Variants in ATP2A3 observed in about 807,000 individuals in gnomAD.
The protein encoded by ATP2A3 is ATPase sarcoplasmic/endoplasmic reticulum Ca2+ transporting 3, also known as sarcoplasmic/endoplasmic reticulum calcium ATPase 3.
Under a neutral mutation model 106.8 loss-of-function variants are expected in ATP2A3, and 61 were observed. The ratio of observed to expected loss-of-function variants is 0.57; its 90% CI spans 0.46 to 0.71. The LOEUF (loss-of-function observed/expected upper bound fraction) is 0.71. Among genes scored for constraint, ATP2A3 ranks in the 30% least tolerant of loss-of-function variants. The pLI is 0.00. For missense variants in ATP2A3, 1,201 were observed against 1,423.5 expected, an observed-to-expected ratio of 0.84 and a Z score of 2.52; for synonymous variants, 611 against 609.3, an observed-to-expected ratio of 1.00 and a Z score of -0.04.
intron 14 of ATP2A3, 138 bp downstream of exon 14, chr17:3,940,833 T>C (rs1409301811): frequency 6.2e-6 from 7 of 1,134,686 alleles, no homozygotes; most frequent in South Asian, 1.3e-5. Flanking sequence ...TAAATTTCTT[T>C]TTGTATTTGA....
chr17:3,946,018 C>T (rs1026795142), intron 8 of ATP2A3, among the ~76,000 whole-genome samples: 3 of 152,144 alleles, frequency 2.0e-5, no homozygotes, highest in Admixed American at 6.5e-5. Context: ...GAGGCCGAGG[C>T]GGGTGGATCA....
intron 17 of ATP2A3, among the ~76,000 whole-genome samples, chr17:3,933,548 C>A (rs1046831180): frequency 2.6e-5 from 4 of 151,148 alleles, no homozygotes; most frequent in Admixed American, 6.6e-5. Context: ...CCATCCTGGC[C>A]AACATGGTGA....
chr17:3,928,390 G>A lies in ATP2A3; in HGVS notation c.2980+273C>T. ...GCACACAGTGCCCTGGCCATGTAGG[G>A]GGTGGCAGGTGAAGACAGTGAGGCA... On this transcript the variant is annotated intron_variant, in intron 20 of 20. Transcript: ENST00000397041. The surrounding 1 kb of genome is among the most constrained non-coding windows in gnomAD (Gnocchi z 6.1). The A allele has an allele frequency of 6.7e-7, 1 of 1,495,592 alleles. No homozygotes were observed. 92.6% of individuals were successfully genotyped at this position (1,495,592 alleles called of 1,614,324 possible).
chr17:3,935,147 C>G (rs1336833099), intron 17 of ATP2A3, 45 bp downstream of exon 17: 1 of 1,601,580 alleles, frequency 6.2e-7, no homozygotes, highest in Admixed American at 1.7e-5. Context: ...ACTCCAACAA[C>G]TCGAGCTGTA....
At chr17:3,940,228 C>G (rs868573640) in intron 14 of ATP2A3, among the ~76,000 whole-genome samples, 1 of 151,774 alleles carries the variant, frequency 6.6e-6, no homozygotes, top group Non-Finnish European at 1.5e-5. Context: ...TCAGATAGTA[C>G]GCCAAAGATC....
intron 1 of ATP2A3, among the ~76,000 whole-genome samples, chr17:3,960,830 T>C (rs959699933): frequency 1.3e-5 from 2 of 152,124 alleles, no homozygotes; most frequent in African/African-American, 4.8e-5. Flanking sequence ...TACACCCACT[T>C]AGACCCCACA....
At position 3,936,379 on chromosome 17, in the gene ATP2A3, G is replaced by C; in HGVS notation, c.2412C>G (p.Ala804=). 1 of 1,614,106 alleles carries C rather than the reference G, an allele frequency of 6.2e-7. No homozygotes were observed. The highest frequency in any genetic ancestry group is 1.3e-5 in the African/African-American group (1 of 75,032). Residue 804 remains alanine (A), a synonymous_variant, in exon 16 of 21, where the codon GCC becomes GCG. Coordinates refer to ENST00000397041, the MANE Select transcript of ATP2A3 (RefSeq NM_005173.4). The surrounding 1 kb of genome is among the most constrained non-coding windows in gnomAD (Gnocchi z 5.4). ...WVNLVTDGLP[A]TALGFNPPDL... is the part of the protein sequence containing the mutation. ...CTGGCGGGTTGAAGCCCAGAGCCGTGGCAGGTAGGCCGTCTGTCACCAGGT... is the reference window on the plus strand; with the variant it reads ...CTGGCGGGTTGAAGCCCAGAGCCGTCGCAGGTAGGCCGTCTGTCACCAGGT...
chr17:3,929,553 T>C lies in ATP2A3; in HGVS notation c.2745-108A>G. 1.0e-6 allele frequency: 1 copy of C among 965,550 alleles called. No homozygotes were observed. The highest frequency in any genetic ancestry group is 1.5e-5 in the South Asian group (1 of 66,436). The allele number at this position is 965,550 out of a possible 1,614,324, so 59.8% of individuals were successfully genotyped here. A position where few individuals can be genotyped will look rare whatever the true frequency, so the allele number is the denominator to read the frequency against. On this transcript the variant is annotated intron_variant, in intron 18 of 20. Coordinates refer to ENST00000397041, the MANE Select transcript of ATP2A3 (RefSeq NM_005173.4). This position sits in a 1 kb window ranked among gnomAD's most constrained non-coding sequence, Gnocchi z 4.3. Reference sequence around the variant, plus strand: ...CACTTCTCTAGCGGTGCATTGCTGTTGCCCGCTCGGCCTGCCAGGGCCTGT... The same window carrying C: ...CACTTCTCTAGCGGTGCATTGCTGTCGCCCGCTCGGCCTGCCAGGGCCTGT...
Position 3,930,460 on chromosome 17 carries a change from A to C in ATP2A3, c.2611-26T>G, listed in dbSNP as rs750399072. The C allele has an allele frequency of 1.2e-6, 2 of 1,613,032 alleles. No individual in the cohort carries two copies. Among genetic ancestry groups the C allele is most frequent in the Admixed American group, 1.7e-5 (1 of 59,994 alleles). ...CTGGGGGCACCGTGGCAGGTCAGAGAGAGCGGCAGGTCAGGCGAGGGGCTG... is the reference window on the plus strand; with the variant it reads ...CTGGGGGCACCGTGGCAGGTCAGAGCGAGCGGCAGGTCAGGCGAGGGGCTG... On this transcript the variant is annotated intron_variant, in intron 17 of 20. Transcript: ENST00000397041. This position sits in a 1 kb window ranked among gnomAD's most constrained non-coding sequence, Gnocchi z 5.4.
intron 20 of ATP2A3, chr17:3,927,488 A>T (rs2052771616): frequency 2.0e-6 from 2 of 985,254 alleles, no homozygotes; most frequent in Non-Finnish European, 2.4e-6. Flanking sequence ...CAGGTGAGTG[A>T]GTGTGGTCAA....
intron 6 of ATP2A3, 46 bp from the exon 7 acceptor site, chr17:3,950,642 C>G (rs762982262): frequency 6.2e-7 from 1 of 1,613,544 alleles, no homozygotes; most frequent in African/African-American, 1.3e-5. Context: ...AAGACACGCC[C>G]ATCCCTTAGT....
chr17:3,951,546 G>GCCCCCCCCCCCCGGACACC, intron 4 of ATP2A3, 35 bp downstream of exon 4: 1 of 1,319,570 alleles, frequency 7.6e-7, no homozygotes, highest in Non-Finnish European at 1.0e-6. Flanking sequence ...CTGGGAGACC[G>GCCCCCCCCCCCCGGACACC]CCCCCCGCCC....
intron 17 of ATP2A3, among the ~76,000 whole-genome samples, chr17:3,931,231 CAG>C (rs2053062535): frequency 6.6e-6 from 1 of 152,100 alleles, no homozygotes; most frequent in Non-Finnish European, 1.5e-5. Flanking sequence ...GTGCTTCTGA[CAG>C]AGACTAATGA....
intron 7 of ATP2A3, among the ~76,000 whole-genome samples, chr17:3,949,435 TC>T (rs1294554145): frequency 2.6e-5 from 4 of 152,240 alleles, no homozygotes; most frequent in African/African-American, 9.6e-5. Flanking sequence ...GGGTCAGTTT[TC>T]CTGTCGGAGA....
rs971764305 is a variant in ATP2A3, at chr17:3,941,725, C to T, written c.1546-71G>A. The T allele has an allele frequency of 1.2e-5, 18 of 1,520,806 alleles. 1 individual carries two copies. Among genetic ancestry groups the T allele is most frequent in the Admixed American group, 1.8e-5 (1 of 55,250 alleles). The allele number at this position is 1,520,806 out of a possible 1,614,324, so 94.2% of individuals were successfully genotyped here. A position where few individuals can be genotyped will look rare whatever the true frequency, so the allele number is the denominator to read the frequency against. ...CCCTCCTCTCCTTCCTGCCCAAACTCAGGAAACTGAGACTAAGATACGGGC... is the reference window on the plus strand; with the variant it reads ...CCCTCCTCTCCTTCCTGCCCAAACTTAGGAAACTGAGACTAAGATACGGGC... On this transcript the variant is annotated intron_variant, in intron 12 of 20. Coordinates refer to ENST00000397041, the MANE Select transcript of ATP2A3 (RefSeq NM_005173.4).
In ATP2A3 at chr17:3,928,724, T is replaced by G. The variant is rs1055687400; in HGVS notation, c.2919A>C (p.Ile973=). 1 of 1,551,480 alleles carries G rather than the reference T, an allele frequency of 6.4e-7. No individual in the cohort carries two copies. The highest frequency in any genetic ancestry group is 8.7e-7 in the Non-Finnish European group (1 of 1,147,282). The change falls in exon 20 of 21, where the codon ATA becomes ATC. Residue 973 remains isoleucine (I), a synonymous_variant. Transcript: ENST00000397041. This position sits in a 1 kb window ranked among gnomAD's most constrained non-coding sequence, Gnocchi z 6.1. Reference sequence around the variant, plus strand: ...CATCCAGCAGGATGACAGGCAGAGATATCTGGAGCACCACCACCCACTGGC... The same window carrying G: ...CATCCAGCAGGATGACAGGCAGAGAGATCTGGAGCACCACCACCCACTGGC... ...SGRQWVVVLQ[I]SLPVILLDEA...
At chr17:3,948,746 T>A (rs2054255900) in intron 7 of ATP2A3, among the ~76,000 whole-genome samples, 1 of 152,132 alleles carries the variant, frequency 6.6e-6, no homozygotes, top group Non-Finnish European at 1.5e-5. Context: ...TGACAGCTGC[T>A]GATCCTGGAG....
chr17:3,947,359 C>CGCACAGCAA lies in ATP2A3; in HGVS notation c.1095+23_1095+31dup. On this transcript the variant is annotated intron_variant, in intron 8 of 20. Transcript: ENST00000397041. The surrounding 1 kb of genome is among the most constrained non-coding windows in gnomAD (Gnocchi z 7.7). Reference sequence around the variant, plus strand: ...AGAGGGAGCCCAGCCTGCTCTGCAACGCACAGCAACACCAAGCTGGCCGTC... The same window carrying CGCACAGCAA: ...AGAGGGAGCCCAGCCTGCTCTGCAACGCACAGCAAGCACAGCAACACCAAGCTGGCCGTC... The CGCACAGCAA allele has an allele frequency of 6.2e-7, 1 of 1,607,956 alleles. No individual in the cohort carries two copies. The highest frequency in any genetic ancestry group is 8.5e-7 in the Non-Finnish European group (1 of 1,175,142).
Position 3,930,557 on chromosome 17 carries a change from C to T in ATP2A3, c.2611-123G>A. The T allele has an allele frequency of 7.1e-7, 1 of 1,413,088 alleles. No homozygotes were observed. Among genetic ancestry groups the T allele is most frequent in the Non-Finnish European group, 9.7e-7 (1 of 1,035,208 alleles). The allele number at this position is 1,413,088 out of a possible 1,614,324, so 87.5% of individuals were successfully genotyped here. ...GGCACAACCAGCACACAAAACACTG[C>T]CGTGGGGTGGGCTGGGGATCCCGGG... is the stretch of plus-strand genomic sequence containing the variant. On this transcript the variant is annotated intron_variant, in intron 17 of 20. Coordinates refer to ENST00000397041, the MANE Select transcript of ATP2A3 (RefSeq NM_005173.4). The surrounding 1 kb of genome is among the most constrained non-coding windows in gnomAD (Gnocchi z 5.4).
Sources: gnomAD v4.1 joint callset for allele counts (sites outside exome capture counted in the v4.1 genomes callset) on GRCh38, gnomAD v4.1.1 for gene constraint, Gnocchi (gnomAD v3.1) non-coding constraint, MANE v1.5 for transcripts, NCBI Gene and HGNC (gene_info 2026-07-23, HGNC 2026-07-21) for gene names.